The following PRLR variants were observed in gnomAD, a reference collection of about 807,000 sequenced individuals.
PRLR encodes hPRL receptor.
In PRLR, 13 loss-of-function variants were observed where a neutral mutation model predicts 40.2. The ratio of observed to expected loss-of-function variants is 0.32; its 90% CI spans 0.21 to 0.51. The LOEUF (loss-of-function observed/expected upper bound fraction) is 0.51, where lower values mean the gene tolerates loss of function less well. Among genes scored for constraint, PRLR ranks in the 20% least tolerant of loss-of-function variants. PRLR has a pLI of 0.97. For synonymous variants in PRLR, 269 were observed against 278.7 expected, an observed-to-expected ratio of 0.97 and a Z score of 0.35; for missense variants, 656 against 747.3, an observed-to-expected ratio of 0.88 and a Z score of 1.42.
chr5:35,108,934 G>A (rs1772458569), intron 2 of PRLR, among the ~76,000 whole-genome samples: 1 of 152,174 alleles, frequency 6.6e-6, no homozygotes, highest in Non-Finnish European at 1.5e-5. Flanking sequence ...AAAGAACAAA[G>A]CTGGAGGCAT....
chr5:35,161,367 A>G (rs1482342677), intron 1 of PRLR, among the ~76,000 whole-genome samples: 6 of 152,334 alleles, frequency 3.9e-5, no homozygotes, highest in Admixed American at 3.3e-4. Context: ...CTGGTTGCAA[A>G]GGGATAGGTT....
chr5:35,197,120 G>T (rs575388469), intron 1 of PRLR, among the ~76,000 whole-genome samples: 128 of 152,106 alleles, frequency 8.4e-4, no homozygotes, highest in Non-Finnish European at 1.5e-3. Flanking sequence ...ACTTTCTCCT[G>T]TCCCCAACTT....
intron 1 of PRLR, among the ~76,000 whole-genome samples, chr5:35,227,152 G>T (rs976318650): frequency 6.6e-6 from 1 of 152,204 alleles, no homozygotes; most frequent in East Asian, 1.9e-4. Flanking sequence ...TCCTCCCATA[G>T]GTGATCTTGT....
At chr5:35,229,206 G>A (rs1776630102) in intron 1 of PRLR, among the ~76,000 whole-genome samples, 2 of 151,238 alleles carry the variant, frequency 1.3e-5, no homozygotes, top group South Asian at 2.1e-4. Flanking sequence ...TAAGTATCTT[G>A]CCCAAGTTTG....
At chr5:35,163,267 ATGGCCGTGCGACAAGGACC>A (rs930356739) in intron 1 of PRLR, among the ~76,000 whole-genome samples, 7 of 152,246 alleles carry the variant, frequency 4.6e-5, no homozygotes, top group African/African-American at 1.7e-4. Flanking sequence ...CTAATTTTTC[ATGGCCGTGCGACAAGGACC>A]TGGCTCTTCG....
intron 1 of PRLR, among the ~76,000 whole-genome samples, chr5:35,226,055 C>T (rs1776541585): frequency 6.6e-6 from 1 of 152,174 alleles, no homozygotes; most frequent in Admixed American, 6.5e-5. Flanking sequence ...CAGTACATCT[C>T]AATATGAAAT....
chr5:35,068,935 C>A, intron 7 of PRLR, 57 bp from the exon 8 acceptor site: 1 of 1,298,118 alleles, frequency 7.7e-7, no homozygotes, highest in Non-Finnish European at 1.1e-6. Context: ...AAAAACAAAC[C>A]AACCTAATGA....
At chr5:35,206,268 C>T (rs1776012570) in intron 1 of PRLR, among the ~76,000 whole-genome samples, 1 of 151,976 alleles carries the variant, frequency 6.6e-6, no homozygotes, top group African/African-American at 2.4e-5. Flanking sequence ...AGATGACCTA[C>T]ATTATACACC....
intron 1 of PRLR, among the ~76,000 whole-genome samples, chr5:35,227,317 G>A (rs1336643562): frequency 6.6e-6 from 1 of 152,224 alleles, no homozygotes; most frequent in Non-Finnish European, 1.5e-5. Context: ...GCACTGGGTA[G>A]TGGAAAAAGA....
intron 1 of PRLR, among the ~76,000 whole-genome samples, chr5:35,129,016 G>C (rs1276155987): frequency 2.0e-5 from 3 of 152,314 alleles, no homozygotes; most frequent in East Asian, 3.9e-4. Context: ...ACTCAGAGCA[G>C]GGACTTCTGC....
At chr5:35,066,361 C>G (rs1049790807) in intron 9 of PRLR, among the ~76,000 whole-genome samples, 31 of 151,988 alleles carry the variant, frequency 2.0e-4, no homozygotes, top group African/African-American at 6.8e-4. Flanking sequence ...GTAGTATATA[C>G]ACATACAATA....
At chr5:35,072,886 T>A in intron 5 of PRLR, 142 bp from the exon 6 acceptor site, 1 of 903,166 alleles carries the variant, frequency 1.1e-6, no homozygotes, top group South Asian at 1.8e-5. Flanking sequence ...ACCCGGGCCT[T>A]TTGTCTTCTA....
intron 1 of PRLR, among the ~76,000 whole-genome samples, chr5:35,163,791 C>A (rs1341592666): frequency 6.6e-6 from 1 of 152,222 alleles, no homozygotes; most frequent in East Asian, 1.9e-4. Flanking sequence ...TCAACTTTCT[C>A]TGGCCCTAGC....
In PRLR at chr5:35,217,157, T is replaced by C. The variant is rs148554985; in HGVS notation, c.-106+13111A>G. The stretch of plus-strand genomic sequence containing the variant: ...GAAACTTCTGAGGCCTGTGATGACC[T>C]GAGACAAATGCAGAGAGGAACTTAT... On this transcript the variant is annotated intron_variant, in intron 1 of 9. Transcript: ENST00000618457. Among the ~76,000 whole-genome samples, 436 of 152,298 alleles carry C rather than the reference T, an allele frequency of 2.9e-3. 4 individuals carry two copies. Among genetic ancestry groups the C allele is most frequent in the African/African-American group, 0.01 (426 of 41,562 alleles).
chr5:35,084,836 GGT>G (rs1441553805), intron 4 of PRLR, among the ~76,000 whole-genome samples, 197 bp from the exon 5 acceptor site: 4 of 152,176 alleles, frequency 2.6e-5, no homozygotes, highest in African/African-American at 9.7e-5. Flanking sequence ...ATGTTGGAAA[GGT>G]TATTTTAGGG....
chr5:35,228,313 G>C (rs1245591995), intron 1 of PRLR, among the ~76,000 whole-genome samples: 1 of 151,086 alleles, frequency 6.6e-6, no homozygotes, highest in Non-Finnish European at 1.5e-5. Context: ...TCAGAGGCTT[G>C]CTCAGTGTGG....
intron 1 of PRLR, among the ~76,000 whole-genome samples, chr5:35,123,890 A>G (rs1773373196): frequency 5.9e-5 from 9 of 152,198 alleles, no homozygotes; most frequent in Admixed American, 5.9e-4. Context: ...GGATTGGACC[A>G]AGTTCCTCTG....
chr5:35,139,121 A>G (rs1242567882), intron 1 of PRLR, among the ~76,000 whole-genome samples: 1 of 152,114 alleles, frequency 6.6e-6, no homozygotes, highest in East Asian at 1.9e-4. Flanking sequence ...TAAACATATT[A>G]GCCCTATAAT....
At chr5:35,111,025 CTGTG>C (rs1234831061) in intron 2 of PRLR, among the ~76,000 whole-genome samples, 1 of 151,908 alleles carries the variant, frequency 6.6e-6, no homozygotes, top group Non-Finnish European at 1.5e-5. Flanking sequence ...TAGCTCATTG[CTGTG>C]TGTGTGTGTT....
Sources: allele counts gnomAD v4.1 joint callset (sites outside exome capture counted in the v4.1 genomes callset), GRCh38; gene constraint gnomAD v4.1.1; transcripts MANE v1.5; gene names NCBI Gene and HGNC (gene_info 2026-07-23, HGNC 2026-07-21).